Variants in PSPC1 observed in about 807,000 individuals in gnomAD.
The protein encoded by PSPC1 is paraspeckle component 1.
In PSPC1, 14 loss-of-function variants were observed where a neutral mutation model predicts 51.6. That is an observed-to-expected ratio of 0.27 (90% CI 0.18 to 0.42). The LOEUF is 0.42. Among genes scored for constraint, PSPC1 ranks in the 10% least tolerant of loss-of-function variants. The pLI is 1.00. For synonymous variants in PSPC1, 193 were observed against 231.9 expected (o/e 0.83, Z 1.53); for missense variants, 406 against 701.1 (o/e 0.58, Z 4.75).
chr13:19,744,735 T>C (rs1191869888), intron 4 of PSPC1, among the ~76,000 whole-genome samples: 3 of 152,108 alleles, frequency 2.0e-5, no homozygotes, highest in African/African-American at 7.2e-5. Flanking sequence ...CAGCTAATTT[T>C]TGTATTTTTA....
intron 6 of PSPC1, among the ~76,000 whole-genome samples, chr13:19,693,964 A>C (rs1951968932): frequency 6.6e-6 from 1 of 151,942 alleles, no homozygotes; most frequent in African/African-American, 2.4e-5. Context: ...TCTACTAAAA[A>C]TACAAAAAAT....
chr13:19,751,264 T>C lies in PSPC1; in HGVS notation c.967+7A>G. ...CATACCACATGTACATGAAAATCCATATTTACCTTGCCTCATTAGCATTAA... is the reference window on the plus strand; with the variant it reads ...CATACCACATGTACATGAAAATCCACATTTACCTTGCCTCATTAGCATTAA... On this transcript the variant is annotated splice_region_variant and intron_variant, in intron 4 of 8. Coordinates refer to ENST00000338910, the MANE Select transcript of PSPC1 (RefSeq NM_001354909.2). The C allele has an allele frequency of 6.6e-7, 1 of 1,520,676 alleles. No homozygotes were observed. The highest frequency in any genetic ancestry group is 8.8e-7 in the Non-Finnish European group (1 of 1,138,972). The allele number at this position is 1,520,676 out of a possible 1,614,324, so 94.2% of individuals were successfully genotyped here.
intron 6 of PSPC1, among the ~76,000 whole-genome samples, chr13:19,691,355 CCT>C (rs1772906903): frequency 2.0e-5 from 3 of 151,514 alleles, no homozygotes; most frequent in Admixed American, 2.0e-4. Flanking sequence ...ACAGTGAGAC[CCT>C]GTTTCTATAA....
Position 19,782,119 on chromosome 13 carries a change from G to C in PSPC1, c.372+267C>G, listed in dbSNP as rs1300357874. Among the ~76,000 whole-genome samples, 1 of 152,246 alleles carries C rather than the reference G, an allele frequency of 6.6e-6. No individual in the cohort carries two copies. The highest frequency in any genetic ancestry group is 1.5e-5 in the Non-Finnish European group (1 of 68,056). ...TGCCCGATCCAGCGCAGGGCAGCAGGCCTGCAGCCACCGCAAAGCACGATC... is the reference window on the plus strand; with the variant it reads ...TGCCCGATCCAGCGCAGGGCAGCAGCCCTGCAGCCACCGCAAAGCACGATC... On this transcript the variant is annotated intron_variant, in intron 1 of 8. Transcript: ENST00000338910. This position sits in a 1 kb window ranked among gnomAD's most constrained non-coding sequence, Gnocchi z 4.5.
At chr13:19,781,530 T>C (rs1889969241) in intron 1 of PSPC1, among the ~76,000 whole-genome samples, 1 of 152,150 alleles carries the variant, frequency 6.6e-6, no homozygotes, top group African/African-American at 2.4e-5. Context: ...CTCCCCCCTA[T>C]AAAAACGTGA....
At position 19,771,176 on chromosome 13, in the gene PSPC1, C is replaced by T. The variant is rs371663444; in HGVS notation, c.674+1066G>A. 2.6e-4 allele frequency among the ~76,000 whole-genome samples: 39 copies of T among 152,142 alleles called. No homozygotes were observed. In the South Asian group the frequency reaches 6.8e-3, roughly 27 times the overall value. ...TTTTTTAGGCAGAGTCTCGCTCTGTCGCCCAGTCTGGAGTGCAGTGGCACA... is the reference window on the plus strand; with the variant it reads ...TTTTTTAGGCAGAGTCTCGCTCTGTTGCCCAGTCTGGAGTGCAGTGGCACA... On this transcript the variant is annotated intron_variant, in intron 2 of 8. Transcript: ENST00000338910.
rs566012961 is a variant in PSPC1 at position 19,778,103 on chromosome 13, G to A, written c.372+4283C>T. Among the ~76,000 whole-genome samples the A allele has an allele frequency of 3.5e-3, 521 of 148,012 alleles. 4 individuals carry two copies. The highest frequency in any genetic ancestry group is 0.013 in the African/African-American group (505 of 39,844). The stretch of plus-strand genomic sequence containing the variant: ...CTAAAAATACAAAAATTAGCTGGGC[G>A]TGGTTGCATGCGCCTGTAGTCCCAG... On this transcript the variant is annotated intron_variant, in intron 1 of 8. Transcript: ENST00000338910.
downstream of PSPC1, among the ~76,000 whole-genome samples, chr13:19,698,872 G>GA (rs1879564494): frequency 1.3e-5 from 2 of 151,770 alleles, no homozygotes; most frequent in South Asian, 4.2e-4. Context: ...CTTCAATCTG[G>GA]AAATAACAGA....
At chr13:19,700,858 A>G (rs1266384707), downstream of PSPC1, among the ~76,000 whole-genome samples, 1 of 152,100 alleles carries the variant, frequency 6.6e-6, no homozygotes, top group Non-Finnish European at 1.5e-5. Context: ...TGTATCTACC[A>G]CTTTTAAGCA....
intron 6 of PSPC1, among the ~76,000 whole-genome samples, chr13:19,693,890 G>C (rs1054371038): frequency 2.1e-4 from 32 of 152,008 alleles, no homozygotes; most frequent in Non-Finnish European, 2.2e-4. Flanking sequence ...TTGGGAGGCC[G>C]AGATGGGCGG....
At chr13:19,741,153 C>G (rs967198043) in intron 5 of PSPC1, among the ~76,000 whole-genome samples, 1 of 152,132 alleles carries the variant, frequency 6.6e-6, no homozygotes, top group African/African-American at 2.4e-5. Flanking sequence ...GAATTACAGG[C>G]ATGAGCTACT....
chr13:19,750,799 T>G (rs1387753258), intron 4 of PSPC1, among the ~76,000 whole-genome samples: 1 of 152,060 alleles, frequency 6.6e-6, no homozygotes, highest in Admixed American at 6.6e-5. Context: ...GAGACAGTTT[T>G]GCTCTTGTTG....
intron 5 of PSPC1, among the ~76,000 whole-genome samples, chr13:19,740,135 G>A (rs1278878719): frequency 1.3e-5 from 2 of 152,104 alleles, no homozygotes; most frequent in Admixed American, 6.5e-5. Flanking sequence ...CCTGAGGTCC[G>A]GAGTTCGAGA....
At chr13:19,723,466 T>C (rs1433967537) in intron 6 of PSPC1, among the ~76,000 whole-genome samples, 5 of 152,208 alleles carry the variant, frequency 3.3e-5, no homozygotes, top group Non-Finnish European at 7.3e-5. Context: ...CTGGTTCACC[T>C]AAGAAAGCCC....
chr13:19,675,464 A>G (rs908108011), intron 7 of PSPC1: 35 of 152,346 alleles, frequency 2.3e-4, no homozygotes, highest in African/African-American at 6.5e-4. Context: ...GTTTACACTT[A>G]TTCTGGAGAT....
At chr13:19,698,293 A>G (rs1282062803), downstream of PSPC1, among the ~76,000 whole-genome samples, 1 of 152,012 alleles carries the variant, frequency 6.6e-6, no homozygotes, top group South Asian at 2.1e-4. Flanking sequence ...AAATTTAGAC[A>G]ATGAAATAAA....
At chr13:19,751,519 A>G in intron 3 of PSPC1, 52 bp from the exon 4 acceptor site, 1 of 1,267,892 alleles carries the variant, frequency 7.9e-7, no homozygotes, top group Non-Finnish European at 1.0e-6. Context: ...GTAAAACAAC[A>G]ACAAATGAGA....
chr13:19,769,765 T>C (rs931394384), intron 2 of PSPC1, among the ~76,000 whole-genome samples: 2 of 151,668 alleles, frequency 1.3e-5, no homozygotes, highest in African/African-American at 2.4e-5. Context: ...AAAATAAAAA[T>C]AATAAAAATA....
chr13:19,678,433 C>A (rs552352063), intron 6 of PSPC1: 1 of 152,282 alleles, frequency 6.6e-6, no homozygotes, highest in African/African-American at 2.4e-5. Flanking sequence ...TTATAATATG[C>A]CTGAAATATT....
Sources: allele counts gnomAD v4.1 joint callset (sites outside exome capture counted in the v4.1 genomes callset), GRCh38; gene constraint gnomAD v4.1.1; non-coding constraint Gnocchi (gnomAD v3.1); transcripts MANE v1.5; gene names NCBI Gene and HGNC (gene_info 2026-07-23, HGNC 2026-07-21).